KIF1C: variants seen among roughly 807,000 people sequenced by gnomAD.
KIF1C encodes kinesin family member 1C.
Under a neutral mutation model 126.5 loss-of-function variants are expected in KIF1C, and 61 were observed. That is an observed-to-expected ratio of 0.48 (90% CI 0.39 to 0.60). The LOEUF is 0.60. Ranked by LOEUF, KIF1C falls within the 20% of genes least tolerant of loss-of-function variation. The probability of loss-of-function intolerance (pLI) is 0.00; values close to 1 mark genes in which losing one functional copy is unlikely to be tolerated. For synonymous variants in KIF1C, 640 were observed against 580.6 expected, an observed-to-expected ratio of 1.10 and a Z score of -1.47; for missense variants, 1,315 against 1,489.2, an observed-to-expected ratio of 0.88 and a Z score of 1.93.
chr17:5,005,345 C>T (rs1482896179), intron 13 of KIF1C, among the ~76,000 whole-genome samples: 4 of 152,176 alleles, frequency 2.6e-5, no homozygotes, highest in Non-Finnish European at 5.9e-5. Flanking sequence ...GACAGAAGTT[C>T]TTGCAAAACG....
chr17:5,018,874 T>G (rs754979876), intron 18 of KIF1C, among the ~76,000 whole-genome samples: 13 of 152,182 alleles, frequency 8.5e-5, no homozygotes, highest in Non-Finnish European at 1.8e-4. Flanking sequence ...TGGAAGATAG[T>G]AGGAGTGTGG....
chr17:5,018,891 T>A (rs535632312), intron 18 of KIF1C, among the ~76,000 whole-genome samples: 2 of 152,252 alleles, frequency 1.3e-5, no homozygotes, highest in South Asian at 4.1e-4. Flanking sequence ...GTGGCATATG[T>A]GGGTTTGAAT....
chr17:5,014,598 C>T, intron 17 of KIF1C, 145 bp from the exon 18 acceptor site: 1 of 661,604 alleles, frequency 1.5e-6, no homozygotes, highest in Non-Finnish European at 2.7e-6. Context: ...CCCGGGCAAG[C>T]CATTTCACCT....
Position 5,014,759 on chromosome 17 carries a change from A to T in KIF1C, c.1588A>T (p.Met530Leu). ...CTTCCCCAGGGTCGGCCAAGTAGATATGGACATCAAGCTGACCGGACAGTT... is the reference window on the plus strand; with the variant it reads ...CTTCCCCAGGGTCGGCCAAGTAGATTTGGACATCAAGCTGACCGGACAGTT... ...DGVTRVGQVD[M>L]DIKLTGQFIR... The change falls in exon 18 of 23, where the codon ATG becomes TTG. Residue 530 changes from methionine (M) to leucine (L), a missense_variant. Transcript: ENST00000320785. The T allele has an allele frequency of 6.3e-7, 1 of 1,596,746 alleles. No homozygotes were observed. Among genetic ancestry groups the T allele is most frequent in the South Asian group, 1.1e-5 (1 of 87,486 alleles).
chr17:4,998,349 T>TG (rs1379154129), intron 1 of KIF1C, among the ~76,000 whole-genome samples, 193 bp downstream of exon 1: 2 of 152,108 alleles, frequency 1.3e-5, no homozygotes, highest in East Asian at 3.9e-4. Context: ...CGGGTCCGCA[T>TG]GGCCGCCCTG....
rs1246720031 is a variant in KIF1C, at chr17:5,022,373, C to A, written c.2292C>A (p.Phe764Leu). The A allele has an allele frequency of 2.5e-6, 4 of 1,582,470 alleles. No homozygotes were observed. Among genetic ancestry groups the A allele is most frequent in the East Asian group, 2.3e-5 (1 of 43,222 alleles). ...EICYEVALAD[F>L]RHGRAEIEAL... ...GCTACGAGGTGGCCCTGGCTGACTT[C>A]CGCCACGGGCGGGCTGAGATTGAGG... is the stretch of plus-strand genomic sequence containing the variant. The change falls in exon 22 of 23, where the codon TTC (phenylalanine) becomes TTA (leucine). Residue 764 changes from phenylalanine (F) to leucine (L), a missense_variant. Transcript: ENST00000320785. The surrounding 1 kb of genome is among the most constrained non-coding windows in gnomAD (Gnocchi z 4.9).
intron 6 of KIF1C, 87 bp from the exon 7 acceptor site, chr17:5,002,377 C>G (rs1974617086): frequency 1.5e-6 from 2 of 1,304,044 alleles, no homozygotes; most frequent in Non-Finnish European, 2.1e-6. Context: ...CTGCAGTCAC[C>G]TGGATCGTGT....
intron 13 of KIF1C, among the ~76,000 whole-genome samples, chr17:5,005,620 A>C (rs192354709): frequency 6.6e-6 from 1 of 152,038 alleles, no homozygotes; most frequent in African/African-American, 2.4e-5. Context: ...CATTTGAGGG[A>C]TTTTCTTGCA....
At chr17:5,016,028 A>G (rs1974964372) in intron 18 of KIF1C, among the ~76,000 whole-genome samples, 1 of 152,058 alleles carries the variant, frequency 6.6e-6, no homozygotes, top group Non-Finnish European at 1.5e-5. Flanking sequence ...CGTGGTACAC[A>G]TGTGCTGTCT....
At position 5,000,208 on chromosome 17, in the gene KIF1C, T is replaced by G; in HGVS notation, c.-27-12T>G. On this transcript the variant is annotated splice_polypyrimidine_tract_variant and intron_variant, in intron 2 of 22. Coordinates refer to ENST00000320785, the MANE Select transcript of KIF1C (RefSeq NM_006612.6). ...TGGTTCTGACCCCACCACTCCTTTC[T>G]CTGTCCTCCAGCTGAGGAGGGCAGG... 1 of 1,445,482 alleles carries G rather than the reference T, an allele frequency of 6.9e-7. No individual in the cohort carries two copies. The highest frequency in any genetic ancestry group is 9.5e-7 in the Non-Finnish European group (1 of 1,049,926). The allele number at this position is 1,445,482 out of a possible 1,614,324, so 89.5% of individuals were successfully genotyped here.
intron 16 of KIF1C, among the ~76,000 whole-genome samples, chr17:5,010,660 T>C (rs952785626): frequency 8.8e-4 from 132 of 150,292 alleles, no homozygotes; most frequent in African/African-American, 3.1e-3. Flanking sequence ...GGCAGGAGAA[T>C]GGCGTGAACC....
chr17:5,010,338 G>A (rs1974833591), intron 16 of KIF1C, among the ~76,000 whole-genome samples: 1 of 152,078 alleles, frequency 6.6e-6, no homozygotes, highest in African/African-American at 2.4e-5. Context: ...CATTCAGATT[G>A]TTTCCCATTC....
At position 5,022,498 on chromosome 17, in the gene KIF1C, C is replaced by T; in HGVS notation, c.2417C>T (p.Thr806Ile). 1 of 1,587,580 alleles carries T rather than the reference C, an allele frequency of 6.3e-7. No homozygotes were observed. The highest frequency in any genetic ancestry group is 2.3e-5 in the East Asian group (1 of 43,688). The part of the protein sequence containing the change: ...WRAVARDVWD[T>I]VGEEEGGGAG... ...GCTGTGGCCCGGGATGTCTGGGACA[C>T]TGTAGGCGAGGAGGAAGGAGGTGGA... Residue 806 changes from threonine (T) to isoleucine (I), a missense_variant, in exon 22 of 23, where the codon ACT (threonine) becomes ATT (isoleucine). Transcript: ENST00000320785. This position sits in a 1 kb window ranked among gnomAD's most constrained non-coding sequence, Gnocchi z 4.9.
chr17:5,003,892 A>G lies in KIF1C; in HGVS notation c.840A>G (p.Lys280=), dbSNP rs199680976. 2.2e-5 allele frequency: 36 copies of G among 1,614,098 alleles called. 1 individual carries two copies. The African/African-American group carries it at 3.5e-4, about 16-fold the overall frequency. Reference sequence around the variant, plus strand: ...ATAAGTCCCTGACTACACTAGGGAAAGTGATCTCGGCCCTTGCAGATATGG... The same window carrying G: ...ATAAGTCCCTGACTACACTAGGGAAGGTGATCTCGGCCCTTGCAGATATGG... ...NINKSLTTLG[K]VISALADMQS... The change falls in exon 10 of 23, where the codon AAA becomes AAG. Residue 280 remains lysine, a synonymous_variant. Coordinates refer to ENST00000320785, the MANE Select transcript of KIF1C (RefSeq NM_006612.6).
intron 16 of KIF1C, among the ~76,000 whole-genome samples, chr17:5,012,399 G>T (rs889414834): frequency 6.6e-6 from 1 of 152,166 alleles, no homozygotes; most frequent in Non-Finnish European, 1.5e-5. Flanking sequence ...TGTTGTTGGG[G>T]ACATTGGCAG....
At chr17:5,021,943 G>A in intron 21 of KIF1C, 149 bp from the exon 22 acceptor site, 1 of 821,404 alleles carries the variant, frequency 1.2e-6, no homozygotes. Flanking sequence ...TAAGCAGTCT[G>A]CCCAAGGGTG....
chr17:5,014,965 G>C, intron 18 of KIF1C, 128 bp downstream of exon 18: 1 of 725,444 alleles, frequency 1.4e-6, no homozygotes, highest in Non-Finnish European at 2.3e-6. Context: ...ATGTGGCCTT[G>C]TCCTCAGAGG....
Position 5,025,442 on chromosome 17 carries a change from C to T in KIF1C, c.*1291C>T, listed in dbSNP as rs1026539003. 2.6e-5 allele frequency: 4 copies of T among 152,250 alleles called. No homozygotes were observed. The highest frequency in any genetic ancestry group is 5.9e-5 in the Non-Finnish European group (4 of 68,050). 9.4% of individuals were successfully genotyped at this position (152,250 alleles called of 1,614,324 possible). ...GGGTTGGGCAAGCATACTGCGCTTA[C>T]CTGATTGTTTTCATCCTGGTTGTGT... On this transcript the variant is annotated 3_prime_UTR_variant, in exon 23 of 23. Transcript: ENST00000320785.
intron 18 of KIF1C, among the ~76,000 whole-genome samples, chr17:5,016,871 A>G (rs554763835): frequency 1.2e-4 from 18 of 148,292 alleles, no homozygotes; most frequent in Non-Finnish European, 2.4e-4. Context: ...GCGCCACTGC[A>G]CTCCAGCCTG....
Sources: gnomAD v4.1 joint callset for allele counts (sites outside exome capture counted in the v4.1 genomes callset) on GRCh38, gnomAD v4.1.1 for gene constraint, Gnocchi (gnomAD v3.1) non-coding constraint, MANE v1.5 for transcripts, NCBI Gene and HGNC (gene_info 2026-07-23, HGNC 2026-07-21) for gene names.